LY6G6F: variants seen among roughly 807,000 people sequenced by gnomAD.
LY6G6F encodes the protein lymphocyte antigen 6 family member G6F.
A neutral mutation model predicts 33.0 loss-of-function variants in LY6G6F; 26 were observed. The observed-to-expected ratio is 0.79, with a 90% CI of 0.58 to 1.09. The LOEUF is 1.09. LY6G6F is among the 50% of genes least tolerant of loss of function. LY6G6F has a pLI of 0.00. For missense variants in LY6G6F, 317 were observed against 372.0 expected (o/e 0.85, Z 1.22); for synonymous variants, 132 against 148.1 (o/e 0.89, Z 0.79).
rs758822663 is a variant in LY6G6F, at chr6:31,707,464, T to C, written c.59T>C (p.Met20Thr). 1 of 1,613,492 alleles carries C rather than the reference T, an allele frequency of 6.2e-7. No individual in the cohort carries two copies. The highest frequency in any genetic ancestry group is 8.5e-7 in the Non-Finnish European group (1 of 1,179,462). Residue 20 changes from methionine to threonine, a missense_variant, in exon 2 of 6, where the codon ATG becomes ACG. Met to Thr is a moderately conservative substitution (Grantham distance 81, BLOSUM62 -1). Transcript: ENST00000375832. The surrounding 1 kb of genome is among the most constrained non-coding windows in gnomAD (Gnocchi z 4.1). ...TACAACCCTCTTCCCACAGACAACA[T>C]GCAGGCCATCTATGTGGCCTTGGGG... Reference protein sequence around the residue: ...LCGTPQAADNMQAIYVALGEA... With the variant: ...LCGTPQAADNTQAIYVALGEA...
intron 3 of LY6G6F, among the ~76,000 whole-genome samples, chr6:31,709,686 G>T (rs925493492): frequency 6.6e-6 from 1 of 152,098 alleles, no homozygotes; most frequent in Non-Finnish European, 1.5e-5. Context: ...GAACCACTGC[G>T]CCTGGCCTCA....
chr6:31,709,528 G>A (rs1007248815), intron 3 of LY6G6F, among the ~76,000 whole-genome samples: 12 of 152,078 alleles, frequency 7.9e-5, no homozygotes, highest in African/African-American at 2.9e-4. Flanking sequence ...AAAGTGCTGG[G>A]ATTACAGGTG....
chr6:31,709,956 CTCTTT>C, intron 3 of LY6G6F, 65 bp from the exon 4 acceptor site: 6 of 1,497,466 alleles, frequency 4.0e-6, no homozygotes, highest in Non-Finnish European at 5.4e-6. Context: ...GGGGAAGCCT[CTCTTT>C]GGGGCACAGG....
rs535628200 is a variant in LY6G6F, at chr6:31,709,320, C to T, written c.647-706C>T. 3.3e-5 allele frequency among the ~76,000 whole-genome samples: 5 copies of T among 150,826 alleles called. No homozygotes were observed. The South Asian group carries it at 6.3e-4, about 19-fold the overall frequency. On this transcript the variant is annotated intron_variant, in intron 3 of 5. Transcript: ENST00000375832. ...CTGTCGCCAGGCTGGAGTGCAGTGGCGCAATCCCGGCTCACTGCAACCTCT... is the reference window on the plus strand; with the variant it reads ...CTGTCGCCAGGCTGGAGTGCAGTGGTGCAATCCCGGCTCACTGCAACCTCT...
chr6:31,709,778 G>T (rs892661240), intron 3 of LY6G6F, among the ~76,000 whole-genome samples: 1 of 152,210 alleles, frequency 6.6e-6, no homozygotes, highest in Admixed American at 6.5e-5. Flanking sequence ...TGGTCTGCTC[G>T]CCTTGGCCTC....
At position 31,707,258 on chromosome 6, in the gene LY6G6F, T is replaced by G. The variant is rs1396729031; in HGVS notation, c.53-200T>G. Among the ~76,000 whole-genome samples the G allele has an allele frequency of 6.6e-6, 1 of 152,186 alleles. No individual in the cohort carries two copies. Among genetic ancestry groups the G allele is most frequent in the Non-Finnish European group, 1.5e-5 (1 of 68,020 alleles). On this transcript the variant is annotated intron_variant, in intron 1 of 5. Transcript: ENST00000375832. This position sits in a 1 kb window ranked among gnomAD's most constrained non-coding sequence, Gnocchi z 4.1. ...CCCTCTTGCCCTCAGACCCCCTCAC[T>G]GGCTGGGGGAGAGAGGAGGAAAGCC... is the stretch of plus-strand genomic sequence containing the variant.
In LY6G6F at chr6:31,707,403, G is replaced by C; in HGVS notation, c.53-55G>C. On this transcript the variant is annotated intron_variant, in intron 1 of 5. Transcript: ENST00000375832. The surrounding 1 kb of genome is among the most constrained non-coding windows in gnomAD (Gnocchi z 4.1). ...AGGAAGCCAGGGTTGAAGATCAAAT[G>C]GGGGGTTATTGATCTGATGGAGGTC... 2 of 1,499,712 alleles carry C rather than the reference G, an allele frequency of 1.3e-6. No homozygotes were observed. The highest frequency in any genetic ancestry group is 2.3e-5 in the East Asian group (1 of 43,910). The allele number at this position is 1,499,712 out of a possible 1,614,324, so 92.9% of individuals were successfully genotyped here. A position where few individuals can be genotyped will look rare whatever the true frequency, so the allele number is the denominator to read the frequency against.
At position 31,707,697 on chromosome 6, in the gene LY6G6F, G is replaced by C. The variant is rs138387965; in HGVS notation, c.292G>C (p.Glu98Gln). The C allele has an allele frequency of 1.7e-4, 279 of 1,614,156 alleles. 2 individuals are homozygous for C. The highest frequency in any genetic ancestry group is 1.2e-3 in the South Asian group (112 of 91,082). ...TTCTTTGTGGTTGGAGGGATCCAAA[G>C]AGGAAGATGCCGGGCGGTACTGGTG... Reference protein sequence around the residue: ...NYSLWLEGSKEEDAGRYWCAV... With the variant: ...NYSLWLEGSKQEDAGRYWCAV... Residue 98 changes from glutamate (E) to glutamine (Q), a missense_variant, in exon 2 of 6, where the codon GAG (glutamate) becomes CAG (glutamine). Coordinates refer to ENST00000375832, the MANE Select transcript of LY6G6F (RefSeq NM_001003693.3). The surrounding 1 kb of genome is among the most constrained non-coding windows in gnomAD (Gnocchi z 4.1).
Position 31,707,439 on chromosome 6 carries a change from T to A in LY6G6F, c.53-19T>A. 1 of 1,609,504 alleles carries A rather than the reference T, an allele frequency of 6.2e-7. No individual in the cohort carries two copies. Among genetic ancestry groups the A allele is most frequent in the Non-Finnish European group, 8.5e-7 (1 of 1,176,506 alleles). ...GATCTGATGGAGGTCTCTGGCCTCATACAACCCTCTTCCCACAGACAACAT... is the reference window on the plus strand; with the variant it reads ...GATCTGATGGAGGTCTCTGGCCTCAAACAACCCTCTTCCCACAGACAACAT... On this transcript the variant is annotated intron_variant, in intron 1 of 5. Coordinates refer to ENST00000375832, the MANE Select transcript of LY6G6F (RefSeq NM_001003693.3). This position sits in a 1 kb window ranked among gnomAD's most constrained non-coding sequence, Gnocchi z 4.1.
chr6:31,707,078 A>G lies in LY6G6F; in HGVS notation c.52+120A>G, dbSNP rs2151274402. ...TCAAGAAGATAGAATTACCCCAACC[A>G]ACCTCCTCCTGCCTCTGACACTAGG... is the stretch of plus-strand genomic sequence containing the variant. On this transcript the variant is annotated intron_variant, in intron 1 of 5. Coordinates refer to ENST00000375832, the MANE Select transcript of LY6G6F (RefSeq NM_001003693.3). The surrounding 1 kb of genome is among the most constrained non-coding windows in gnomAD (Gnocchi z 4.1). 1 of 1,069,572 alleles carries G rather than the reference A, an allele frequency of 9.3e-7. No homozygotes were observed. Among genetic ancestry groups the G allele is most frequent in the Non-Finnish European group, 1.4e-6 (1 of 700,034 alleles). The allele number at this position is 1,069,572 out of a possible 1,614,324, so 66.3% of individuals were successfully genotyped here.
chr6:31,708,883 G>A lies in LY6G6F; in HGVS notation c.646+749G>A, dbSNP rs956486877. Among the ~76,000 whole-genome samples the A allele has an allele frequency of 7.2e-5, 11 of 151,734 alleles. No homozygotes were observed. The East Asian group carries it at 1.2e-3, about 16-fold the overall frequency. On this transcript the variant is annotated intron_variant, in intron 3 of 5. Transcript: ENST00000375832. ...GGAGGGCGCAGTGAGCCAAGATCAC[G>A]CCATTGCACTCCAGCCTGGGCAACA...
Position 31,710,482 on chromosome 6 carries a change from C to T in LY6G6F, c.869+64C>T, listed in dbSNP as rs776120271. The T allele has an allele frequency of 1.2e-5, 19 of 1,613,310 alleles. No homozygotes were observed. Among genetic ancestry groups the T allele is most frequent in the Non-Finnish European group, 1.5e-5 (18 of 1,179,312 alleles). On this transcript the variant is annotated intron_variant, in intron 5 of 5. Transcript: ENST00000375832. The surrounding 1 kb of genome is among the most constrained non-coding windows in gnomAD (Gnocchi z 4.7). The stretch of plus-strand genomic sequence containing the variant: ...GGGGACTGGGGATGGAGAGGAAACA[C>T]GGGTTGGGTTGGGGATGGGCCCTCG...
At position 31,710,149 on chromosome 6, in the gene LY6G6F, G is replaced by T; in HGVS notation, c.770G>T (p.Trp257Leu). ...ATCCTGGCCCTCAGCATCGTGCTCT[G>T]GAGGCAGAGGGTCCGTGGGGCTCCA... is the stretch of plus-strand genomic sequence containing the variant. ...VVILALSIVLWRQRVRGAPGR... is the reference protein window; with the variant it reads ...VVILALSIVLLRQRVRGAPGR... The change falls in exon 4 of 6, where the codon TGG becomes TTG. Residue 257 changes from tryptophan (W) to leucine (L), a missense_variant. Physicochemically the swap from Trp to Leu is moderately conservative, Grantham distance 61 (BLOSUM62 -2). Coordinates refer to ENST00000375832, the MANE Select transcript of LY6G6F (RefSeq NM_001003693.3). The surrounding 1 kb of genome is among the most constrained non-coding windows in gnomAD (Gnocchi z 4.7). 6.2e-7 allele frequency: 1 copy of T among 1,612,892 alleles called. No individual in the cohort carries two copies.
chr6:31,709,898 A>G, intron 3 of LY6G6F, 128 bp from the exon 4 acceptor site: 5 of 945,650 alleles, frequency 5.3e-6, no homozygotes, highest in Non-Finnish European at 7.8e-6. Flanking sequence ...TATTGTGGGC[A>G]GGGAAGCTTA....
At chr6:31,708,666 C>T (rs552192584) in intron 3 of LY6G6F, among the ~76,000 whole-genome samples, 35 of 152,092 alleles carry the variant, frequency 2.3e-4, no homozygotes, top group Middle Eastern at 3.4e-3. Flanking sequence ...GTAGCTCAAT[C>T]CTGTAATCCC....
In LY6G6F at chr6:31,707,351, G is replaced by T; in HGVS notation, c.53-107G>T. The stretch of plus-strand genomic sequence containing the variant: ...CTTGAGAAATGTGGTCACCAGCCAG[G>T]CCTGTGCTGGGGGACCCCAGAAGGG... On this transcript the variant is annotated intron_variant, in intron 1 of 5. Coordinates refer to ENST00000375832, the MANE Select transcript of LY6G6F (RefSeq NM_001003693.3). The surrounding 1 kb of genome is among the most constrained non-coding windows in gnomAD (Gnocchi z 4.1). 1 of 955,810 alleles carries T rather than the reference G, an allele frequency of 1.0e-6. No individual in the cohort carries two copies. The highest frequency in any genetic ancestry group is 1.6e-5 in the South Asian group (1 of 63,914). The allele number at this position is 955,810 out of a possible 1,614,324, so 59.2% of individuals were successfully genotyped here.
chr6:31,707,608 G>T lies in LY6G6F; in HGVS notation c.203G>T (p.Gly68Val). The change falls in exon 2 of 6, where the codon GGC becomes GTC. Residue 68 changes from glycine to valine, a missense_variant. Coordinates refer to ENST00000375832, the MANE Select transcript of LY6G6F (RefSeq NM_001003693.3). The surrounding 1 kb of genome is among the most constrained non-coding windows in gnomAD (Gnocchi z 4.1). ...FTTLVAQVQV[G>V]RPAPDPGKPG... ...ACCCTGGTAGCCCAAGTCCAAGTGGGCAGGCCAGCCCCAGACCCTGGAAAA... is the reference window on the plus strand; with the variant it reads ...ACCCTGGTAGCCCAAGTCCAAGTGGTCAGGCCAGCCCCAGACCCTGGAAAA... The T allele has an allele frequency of 6.2e-7, 1 of 1,613,828 alleles. No individual in the cohort carries two copies. Among genetic ancestry groups the T allele is most frequent in the South Asian group, 1.1e-5 (1 of 91,000 alleles).
At chr6:31,709,596 G>A (rs1232405976) in intron 3 of LY6G6F, among the ~76,000 whole-genome samples, 1 of 151,982 alleles carries the variant, frequency 6.6e-6, no homozygotes, top group African/African-American at 2.4e-5. Flanking sequence ...GTTTCACCAT[G>A]TTGGTCAGGC....
Position 31,706,876 on chromosome 6 carries a change from T to C in LY6G6F, c.-31T>C, listed in dbSNP as rs1480527245. 6.2e-7 allele frequency: 1 copy of C among 1,613,208 alleles called. No homozygotes were observed. The highest frequency in any genetic ancestry group is 1.3e-5 in the African/African-American group (1 of 75,012). On this transcript the variant is annotated 5_prime_UTR_variant, in exon 1 of 6. Transcript: ENST00000375832. Reference sequence around the variant, plus strand: ...GCTTCCTCCCTGGGGACACCAGGTCTTGGAGCAAGAGAACTTGGCAGGCTC... The same window carrying C: ...GCTTCCTCCCTGGGGACACCAGGTCCTGGAGCAAGAGAACTTGGCAGGCTC...
Sources: gnomAD v4.1 joint callset for allele counts (sites outside exome capture counted in the v4.1 genomes callset) on GRCh38, gnomAD v4.1.1 for gene constraint, Gnocchi (gnomAD v3.1) non-coding constraint, MANE v1.5 for transcripts, NCBI Gene and HGNC (gene_info 2026-07-23, HGNC 2026-07-21) for gene names.